Variants in CPA6 observed in about 807,000 individuals in gnomAD.
CPA6 encodes carboxypeptidase A6, also known as carboxypeptidase B.
Under a neutral mutation model 63.3 loss-of-function variants are expected in CPA6, and 58 were observed. The observed-to-expected ratio is 0.92, with a 90% confidence interval of 0.74 to 1.14. The LOEUF (loss-of-function observed/expected upper bound fraction) is 1.14, where lower values mean the gene tolerates loss of function less well. Ranked by LOEUF, CPA6 falls within the 50% of genes most tolerant of loss-of-function variation. The probability of loss-of-function intolerance (pLI) is 0.00; values close to 1 mark genes in which losing one functional copy is unlikely to be tolerated. For synonymous variants in CPA6, 185 were observed against 179.0 expected, an observed-to-expected ratio of 1.03 and a Z score of -0.27; for missense variants, 565 against 526.6, an observed-to-expected ratio of 1.07 and a Z score of -0.71.
intron 1 of CPA6, among the ~76,000 whole-genome samples, chr8:67,674,843 GA>G (rs772021576): frequency 6.6e-6 from 1 of 152,114 alleles, no homozygotes; most frequent in Non-Finnish European, 1.5e-5. Flanking sequence ...ACACAGCCAT[GA>G]AAAAAACCAA....
In CPA6 at chr8:67,448,714, A is replaced by G. The variant is rs144039158; in HGVS notation, c.839-14474T>C. On this transcript the variant is annotated intron_variant, in intron 8 of 10. Coordinates refer to ENST00000297770, the MANE Select transcript of CPA6 (RefSeq NM_020361.5). ...AGAAAAAAAAGAAAGAAAGAAAAAG[A>G]AAAAAAGAAAGTTTTCCCTATCCTT... Among the ~76,000 whole-genome samples, 541 of 151,162 alleles carry G rather than the reference A, an allele frequency of 3.6e-3. 7 individuals are homozygous for G. The highest frequency in any genetic ancestry group is 0.012 in the African/African-American group (478 of 41,186).
intron 1 of CPA6, among the ~76,000 whole-genome samples, chr8:67,631,193 G>A (rs1815320697): frequency 6.6e-6 from 1 of 152,210 alleles, no homozygotes; most frequent in African/African-American, 2.4e-5. Flanking sequence ...AGTTGGGTGG[G>A]GACTTGGAGA....
intron 2 of CPA6, among the ~76,000 whole-genome samples, chr8:67,616,815 G>C (rs1814966035): frequency 6.6e-6 from 1 of 152,010 alleles, no homozygotes; most frequent in African/African-American, 2.4e-5. Context: ...GCCTATCCTA[G>C]ACAACGAGAG....
intron 2 of CPA6, among the ~76,000 whole-genome samples, chr8:67,589,953 T>TATGTATAC (rs1814065594): frequency 6.6e-6 from 1 of 151,970 alleles, no homozygotes; most frequent in African/African-American, 2.4e-5. Context: ...GTTAGTTACA[T>TATGTATAC]ATGTATACAT....
chr8:67,428,253 TTAA>T, intron 9 of CPA6, 122 bp from the exon 10 acceptor site: 1 of 570,194 alleles, frequency 1.8e-6, no homozygotes, highest in Non-Finnish European at 3.1e-6. Context: ...TCTATATTCA[TTAA>T]TAATATTATA....
At chr8:67,712,662 A>G (rs963639586) in intron 1 of CPA6, among the ~76,000 whole-genome samples, 2 of 152,138 alleles carry the variant, frequency 1.3e-5, no homozygotes, top group African/African-American at 2.4e-5. Flanking sequence ...TCTCACATAA[A>G]AGTAAATTTG....
At chr8:67,550,555 A>G (rs1812917789) in intron 2 of CPA6, among the ~76,000 whole-genome samples, 1 of 152,192 alleles carries the variant, frequency 6.6e-6, no homozygotes, top group Admixed American at 6.5e-5. Flanking sequence ...TTGAATATAT[A>G]CCCAGTAATG....
intron 2 of CPA6, among the ~76,000 whole-genome samples, chr8:67,606,680 C>T (rs965069930): frequency 4.6e-5 from 7 of 152,190 alleles, no homozygotes; most frequent in Non-Finnish European, 1.0e-4. Context: ...CAAAGACTCC[C>T]TGCTTTGGTG....
chr8:67,501,637 A>G (rs950886577), intron 6 of CPA6, among the ~76,000 whole-genome samples: 21 of 152,114 alleles, frequency 1.4e-4, no homozygotes, highest in African/African-American at 4.8e-4. Flanking sequence ...ATTTTTCTTG[A>G]TTGCTAAATT....
intron 8 of CPA6, among the ~76,000 whole-genome samples, chr8:67,477,902 A>G (rs184193555): frequency 3.3e-5 from 5 of 152,142 alleles, no homozygotes; most frequent in East Asian, 1.9e-4. Context: ...TGAAATATGT[A>G]TTTGGTCTTC....
At chr8:67,438,906 C>A (rs1489147176) in intron 8 of CPA6, among the ~76,000 whole-genome samples, 4 of 151,660 alleles carry the variant, frequency 2.6e-5, no homozygotes, top group East Asian at 1.9e-4. Flanking sequence ...TTAGGAATAA[C>A]CACCAGAATA....
Position 67,655,405 on chromosome 8 carries a change from T to C in CPA6, c.117-31154A>G, listed in dbSNP as rs1367321774. The stretch of plus-strand genomic sequence containing the variant: ...AGCTGGGGAGAGAGAATACCTACTG[T>C]GACGTACAAAACTTAGGAATTAGGA... On this transcript the variant is annotated intron_variant, in intron 1 of 10. Coordinates refer to ENST00000297770, the MANE Select transcript of CPA6 (RefSeq NM_020361.5). 2.6e-5 allele frequency among the ~76,000 whole-genome samples: 4 copies of C among 152,086 alleles called. No homozygotes were observed. The East Asian group carries it at 5.8e-4, about 22-fold the overall frequency.
intron 4 of CPA6, among the ~76,000 whole-genome samples, chr8:67,510,145 A>G (rs561802243): frequency 1.3e-5 from 2 of 152,200 alleles, no homozygotes; most frequent in Non-Finnish European, 2.9e-5. Flanking sequence ...CAAACTCTGA[A>G]TAATTTCTCC....
At chr8:67,672,469 C>A (rs79113971) in intron 1 of CPA6, among the ~76,000 whole-genome samples, 1,735 of 152,228 alleles carry the variant, frequency 0.011, 90 homozygotes, top group Admixed American at 0.082. Context: ...AAGCCAGTAA[C>A]CTACAAGTCC....
At chr8:67,698,726 T>A (rs1245028982) in intron 1 of CPA6, among the ~76,000 whole-genome samples, 1 of 152,242 alleles carries the variant, frequency 6.6e-6, no homozygotes, top group Non-Finnish European at 1.5e-5. Context: ...ATGTATTTTT[T>A]AAACCCTTTT....
intron 2 of CPA6, among the ~76,000 whole-genome samples, chr8:67,556,734 T>C (rs1813070041): frequency 6.6e-6 from 1 of 152,238 alleles, no homozygotes; most frequent in Admixed American, 6.5e-5. Context: ...ACTCAGACTT[T>C]GGTGAACTTA....
At chr8:67,527,668 A>G (rs1812393119) in intron 2 of CPA6, among the ~76,000 whole-genome samples, 1 of 152,228 alleles carries the variant, frequency 6.6e-6, no homozygotes, top group Admixed American at 6.5e-5. Flanking sequence ...TACTTTGAAG[A>G]TCAGAAAAAA....
chr8:67,424,682 G>T (rs1306689653), intron 10 of CPA6, among the ~76,000 whole-genome samples: 1 of 152,182 alleles, frequency 6.6e-6, no homozygotes, highest in Admixed American at 6.5e-5. Flanking sequence ...ACCCGAGGGA[G>T]AACCTATATA....
chr8:67,499,246 C>T (rs191701471), intron 6 of CPA6, among the ~76,000 whole-genome samples: 23 of 152,188 alleles, frequency 1.5e-4, no homozygotes, highest in Admixed American at 1.5e-3. Flanking sequence ...ACTTACAGAG[C>T]CAGAGCCCCC....
Sources: allele counts gnomAD v4.1 joint callset (sites outside exome capture counted in the v4.1 genomes callset), GRCh38; gene constraint gnomAD v4.1.1; transcripts MANE v1.5; gene names NCBI Gene and HGNC (gene_info 2026-07-23, HGNC 2026-07-21).